Variants in SOX5 observed in about 807,000 individuals in gnomAD.
SOX5 encodes the protein transcription factor SOX-5.
Under a neutral mutation model 92.0 loss-of-function variants are expected in SOX5, and 9 were observed. The observed-to-expected ratio is 0.10, with a 90% confidence interval of 0.06 to 0.17. The LOEUF (loss-of-function observed/expected upper bound fraction) is 0.17. Among genes scored for constraint, SOX5 ranks in the 10% least tolerant of loss-of-function variants. The pLI is 1.00. For synonymous variants in SOX5, 344 were observed against 336.3 expected (o/e 1.02, Z -0.25); for missense variants, 642 against 944.5 (o/e 0.68, Z 4.20).
chr12:24,533,877 G>A (rs1001550393), intron 1 of SOX5, among the ~76,000 whole-genome samples: 1 of 152,128 alleles, frequency 6.6e-6, no homozygotes, highest in African/African-American at 2.4e-5. Flanking sequence ...TGACTAAGCA[G>A]ACACAGGAGA....
At chr12:23,898,589 G>A (rs2097200619) in intron 1 of SOX5, among the ~76,000 whole-genome samples, 1 of 152,202 alleles carries the variant, frequency 6.6e-6, no homozygotes, top group Non-Finnish European at 1.5e-5. Flanking sequence ...AGACTGACAA[G>A]ACATTGATAG....
chr12:24,067,734 G>A (rs977677647), intron 4 of SOX5, among the ~76,000 whole-genome samples: 4 of 152,012 alleles, frequency 2.6e-5, no homozygotes, highest in East Asian at 1.9e-4. Context: ...AATACTTAAC[G>A]CAATCAGTAA....
upstream of SOX5, among the ~76,000 whole-genome samples, chr12:23,952,257 G>A (rs1402295257): frequency 6.6e-6 from 1 of 152,050 alleles, no homozygotes; most frequent in Non-Finnish European, 1.5e-5. Context: ...CATAGTGGCA[G>A]CATAAAGATA....
In SOX5 at chr12:23,979,698, G is replaced by GTTTTTTTTTTTTTTTTTTTTTTTTTTTTT. The variant is rs67253622; in HGVS notation, c.-1-83675_-1-83674insAAAAAAAAAAAAAAAAAAAAAAAAAAAAA. Among the ~76,000 whole-genome samples the GTTTTTTTTTTTTTTTTTTTTTTTTTTTTT allele has an allele frequency of 2.2e-4, 14 of 64,706 alleles. 6 individuals carry two copies. The East Asian group carries it at 3.1e-3, about 14-fold the overall frequency. The allele number at this position is 64,706 out of a possible 152,430, so 42.4% of individuals were successfully genotyped here. A position where few individuals can be genotyped will look rare whatever the true frequency, so the allele number is the denominator to read the frequency against. On this transcript the variant is annotated intron_variant, in intron 4 of 4. Transcript: ENST00000446891. ...TTCTTCCTTCCATATATATATATAT[G>GTTTTTTTTTTTTTTTTTTTTTTTTTTTTT]TTTTTTTTGTTTTTTTTTTTTTTTT...
chr12:24,284,771 G>T (rs1483191135), intron 2 of SOX5, among the ~76,000 whole-genome samples: 1 of 152,098 alleles, frequency 6.6e-6, no homozygotes, highest in Non-Finnish European at 1.5e-5. Flanking sequence ...AGCCTAGGTT[G>T]CTCTTTTACA....
chr12:24,200,280 G>A (rs1379404211), intron 4 of SOX5, among the ~76,000 whole-genome samples: 1 of 152,166 alleles, frequency 6.6e-6, no homozygotes. Context: ...GTCCACAAAA[G>A]CAGTGACTTA....
intron 6 of SOX5, among the ~76,000 whole-genome samples, chr12:23,668,385 C>T (rs1253383794): frequency 6.6e-6 from 1 of 152,104 alleles, no homozygotes; most frequent in Non-Finnish European, 1.5e-5. Flanking sequence ...TAGACCATAA[C>T]ACATATAAAC....
At chr12:24,235,667 T>C (rs77074988) in intron 3 of SOX5, among the ~76,000 whole-genome samples, 1 of 152,206 alleles carries the variant, frequency 6.6e-6, no homozygotes, top group Non-Finnish European at 1.5e-5. Context: ...ATGAACTTAA[T>C]TTTTTATGAA....
At chr12:24,308,884 C>T (rs1034097278) in intron 2 of SOX5, among the ~76,000 whole-genome samples, 2 of 152,082 alleles carry the variant, frequency 1.3e-5, no homozygotes, top group Non-Finnish European at 2.9e-5. Flanking sequence ...ATACACAGCA[C>T]ACTATGGCTC....
intron 3 of SOX5, among the ~76,000 whole-genome samples, chr12:23,826,731 T>C (rs2096241559): frequency 6.6e-6 from 1 of 151,878 alleles, no homozygotes; most frequent in Non-Finnish European, 1.5e-5. Flanking sequence ...AAAACAGAAC[T>C]CCAAATGGGA....
At chr12:23,804,290 A>C (rs2095716526) in intron 3 of SOX5, among the ~76,000 whole-genome samples, 1 of 152,158 alleles carries the variant, frequency 6.6e-6, no homozygotes, top group African/African-American at 2.4e-5. Flanking sequence ...AGTATCTCCA[A>C]TCTGAAATTC....
At chr12:23,925,233 C>CA (rs1187122716) in intron 1 of SOX5, among the ~76,000 whole-genome samples, 1 of 152,024 alleles carries the variant, frequency 6.6e-6, no homozygotes, top group Non-Finnish European at 1.5e-5. Context: ...TCTCACAAAT[C>CA]AAAAATGCAT....
At chr12:24,507,928 A>T (rs964260081) in intron 1 of SOX5, among the ~76,000 whole-genome samples, 8 of 152,134 alleles carry the variant, frequency 5.3e-5, no homozygotes, top group African/African-American at 1.9e-4. Flanking sequence ...CAAGTTATAC[A>T]GGAGAGCCAG....
intron 1 of SOX5, among the ~76,000 whole-genome samples, chr12:24,389,104 C>A (rs890453380): frequency 6.6e-6 from 1 of 151,992 alleles, no homozygotes; most frequent in Non-Finnish European, 1.5e-5. Context: ...TATCCCTCCC[C>A]CCTCCTCCCA....
chr12:23,633,984 G>C (rs2078891355), intron 8 of SOX5, among the ~76,000 whole-genome samples: 1 of 150,954 alleles, frequency 6.6e-6, no homozygotes, highest in Non-Finnish European at 1.5e-5. Flanking sequence ...GAGAGACAGA[G>C]AGCTGTGGAT....
At chr12:23,854,141 A>T (rs16926791) in intron 2 of SOX5, among the ~76,000 whole-genome samples, 17,407 of 152,140 alleles carry the variant, frequency 0.11, 1,063 homozygotes, top group South Asian at 0.16. Flanking sequence ...AATTTTTAAT[A>T]GAGTTGCTTA....
chr12:24,272,575 A>G (rs947422708), intron 3 of SOX5, among the ~76,000 whole-genome samples: 7 of 152,190 alleles, frequency 4.6e-5, no homozygotes, highest in African/African-American at 1.7e-4. Context: ...AATACAAGAA[A>G]CAGATGTTGA....
chr12:23,735,581 T>A (rs2093559870), intron 5 of SOX5, among the ~76,000 whole-genome samples: 1 of 152,314 alleles, frequency 6.6e-6, no homozygotes, highest in South Asian at 2.1e-4. Flanking sequence ...TCCTTCATAC[T>A]TACTTCCATA....
chr12:24,312,760 T>G (rs146561101), intron 2 of SOX5, among the ~76,000 whole-genome samples: 26 of 152,310 alleles, frequency 1.7e-4, no homozygotes, highest in African/African-American at 6.0e-4. Flanking sequence ...AAAACTATTA[T>G]CAAATTTAGA....
Sources: allele counts gnomAD v4.1 joint callset (sites outside exome capture counted in the v4.1 genomes callset), GRCh38; gene constraint gnomAD v4.1.1; transcripts MANE v1.5; gene names NCBI Gene and HGNC (gene_info 2026-07-23, HGNC 2026-07-21).